The following MIPEP variants were observed in gnomAD, a reference collection of about 807,000 sequenced individuals.
MIPEP encodes mitochondrial intermediate peptidase.
A neutral mutation model predicts 90.3 loss-of-function variants in MIPEP; 79 were observed. The observed-to-expected ratio is 0.87, with a 90% CI of 0.73 to 1.05. The LOEUF is 1.05. MIPEP is among the 50% of genes least tolerant of loss of function. The pLI is 0.00. For missense variants in MIPEP, 940 were observed against 905.6 expected, an observed-to-expected ratio of 1.04 and a Z score of -0.49; for synonymous variants, 334 against 315.8, an observed-to-expected ratio of 1.06 and a Z score of -0.61.
At chr13:23,771,707 C>T (rs41388845) in intron 16 of MIPEP, among the ~76,000 whole-genome samples, 28,943 of 152,152 alleles carry the variant, frequency 0.19, 3,270 homozygotes, top group Non-Finnish European at 0.26. Flanking sequence ...CATGTTTCAT[C>T]TGAAACCCGT....
intron 16 of MIPEP, among the ~76,000 whole-genome samples, chr13:23,765,611 G>A (rs539476114): frequency 1.3e-5 from 2 of 152,308 alleles, no homozygotes; most frequent in African/African-American, 4.8e-5. Context: ...TTGCTCTGAT[G>A]TGTGTTATAA....
intron 15 of MIPEP, among the ~76,000 whole-genome samples, chr13:23,808,038 A>C (rs961527095): frequency 1.3e-5 from 2 of 152,166 alleles, no homozygotes; most frequent in African/African-American, 4.8e-5. Context: ...TCACAGAAAA[A>C]TGAAGAGCCT....
intron 14 of MIPEP, among the ~76,000 whole-genome samples, chr13:23,826,858 T>G (rs1868475939): frequency 6.6e-6 from 1 of 152,156 alleles, no homozygotes; most frequent in Admixed American, 6.5e-5. Flanking sequence ...GCCCTCCATA[T>G]CTGAGGGTTG....
At chr13:23,741,642 G>A (rs1423131266) in intron 18 of MIPEP, among the ~76,000 whole-genome samples, 2 of 151,956 alleles carry the variant, frequency 1.3e-5, no homozygotes, top group East Asian at 3.9e-4. Context: ...ACACAGAGGG[G>A]AACAACACAC....
intron 16 of MIPEP, among the ~76,000 whole-genome samples, chr13:23,765,056 C>T (rs974559623): frequency 2.6e-5 from 4 of 152,196 alleles, no homozygotes; most frequent in South Asian, 2.1e-4. Flanking sequence ...TCTGCAACCA[C>T]AACCAAACGC....
At chr13:23,869,191 A>G (rs1184763975) in intron 7 of MIPEP, 101 bp downstream of exon 7, 1 of 1,046,392 alleles carries the variant, frequency 9.6e-7, no homozygotes, top group South Asian at 2.1e-5. Context: ...GGTTCTCTAC[A>G]TGTATTAAAA....
chr13:23,819,382 A>C (rs1349567349), intron 14 of MIPEP, among the ~76,000 whole-genome samples: 1 of 152,224 alleles, frequency 6.6e-6, no homozygotes, highest in African/African-American at 2.4e-5. Flanking sequence ...ACCTGATGCT[A>C]ATCAATCGGC....
intron 11 of MIPEP, 95 bp downstream of exon 11, chr13:23,841,240 G>T: frequency 8.6e-7 from 1 of 1,165,022 alleles, no homozygotes; most frequent in Non-Finnish European, 1.2e-6. Flanking sequence ...CACTCAGTCA[G>T]GGCAAAGTTG....
intron 18 of MIPEP, among the ~76,000 whole-genome samples, chr13:23,735,903 A>T (rs1410367322): frequency 9.5e-5 from 11 of 116,190 alleles, no homozygotes; most frequent in African/African-American, 1.8e-4. Context: ...CAGAAAATTT[A>T]AAAAAAAAAC....
chr13:23,859,976 C>T (rs192968219), intron 9 of MIPEP, among the ~76,000 whole-genome samples: 1 of 152,358 alleles, frequency 6.6e-6, no homozygotes, highest in East Asian at 1.9e-4. Context: ...GGACTGCGTC[C>T]ATGGAACCCT....
intron 15 of MIPEP, among the ~76,000 whole-genome samples, chr13:23,808,543 G>T (rs1186945415): frequency 6.6e-6 from 1 of 152,108 alleles, no homozygotes; most frequent in African/African-American, 2.4e-5. Flanking sequence ...TGTCTCTAGG[G>T]GGCTATTGTT....
intron 18 of MIPEP, among the ~76,000 whole-genome samples, chr13:23,755,887 G>A: frequency 6.7e-6 from 1 of 149,994 alleles, no homozygotes; most frequent in Non-Finnish European, 1.5e-5. Context: ...TTCAGAAAAA[G>A]AAATAAAGGA....
At chr13:23,794,281 TA>T (rs1471824237) in intron 16 of MIPEP, among the ~76,000 whole-genome samples, 1 of 152,202 alleles carries the variant, frequency 6.6e-6, no homozygotes, top group Non-Finnish European at 1.5e-5. Context: ...GACTGTATTG[TA>T]AAGCTTTTGA....
chr13:23,864,017 G>T (rs1870423355), intron 8 of MIPEP, 124 bp downstream of exon 8: 2 of 583,938 alleles, frequency 3.4e-6, no homozygotes, highest in Non-Finnish European at 6.1e-6. Flanking sequence ...TAGTGAGACA[G>T]GTCTGGTCCA....
intron 16 of MIPEP, among the ~76,000 whole-genome samples, chr13:23,765,377 A>C (rs1193524264): frequency 6.6e-6 from 1 of 152,228 alleles, no homozygotes; most frequent in Non-Finnish European, 1.5e-5. Flanking sequence ...GAGACACCAC[A>C]TTCATAAAAC....
intron 1 of MIPEP, 96 bp downstream of exon 1, chr13:23,889,036 C>T: frequency 8.4e-7 from 1 of 1,186,782 alleles, no homozygotes; most frequent in African/African-American, 1.6e-5. Context: ...CGCCTCCTCC[C>T]AGGCCCAAAC....
At chr13:23,881,593 G>T in intron 3 of MIPEP, 106 bp downstream of exon 3, 3 of 949,744 alleles carry the variant, frequency 3.2e-6, no homozygotes, top group South Asian at 2.9e-5. Context: ...CTCCCACCCT[G>T]CTGGGTGAGG....
intron 16 of MIPEP, among the ~76,000 whole-genome samples, chr13:23,782,745 TAGACGCAATA>T (rs1952794107): frequency 6.6e-6 from 1 of 152,036 alleles, no homozygotes; most frequent in Non-Finnish European, 1.5e-5. Context: ...AAGAATCAAA[TAGACGCAATA>T]AAAAATGATA....
chr13:23,822,098 A>C lies in MIPEP; in HGVS notation c.1654-12174T>G, dbSNP rs566285040. On this transcript the variant is annotated intron_variant, in intron 14 of 18. Transcript: ENST00000382172. ...ATGGTGCCATTTGTACTACCGTAACAGTGGTATTTCAAAAGCAGAGATCAA... is the reference window on the plus strand; with the variant it reads ...ATGGTGCCATTTGTACTACCGTAACCGTGGTATTTCAAAAGCAGAGATCAA... Among the ~76,000 whole-genome samples the C allele has an allele frequency of 1.5e-3, 227 of 152,346 alleles. 2 individuals are homozygous for C. The highest frequency in any genetic ancestry group is 6.8e-3 in the Middle Eastern group (2 of 294).
Sources: gnomAD v4.1 joint callset for allele counts (sites outside exome capture counted in the v4.1 genomes callset) on GRCh38, gnomAD v4.1.1 for gene constraint, MANE v1.5 for transcripts, NCBI Gene and HGNC (gene_info 2026-07-23, HGNC 2026-07-21) for gene names.